The following CDH18 variants were observed in gnomAD, a reference collection of about 807,000 sequenced individuals.
CDH18 encodes cadherin 18, also known as cadherin-18.
In CDH18, 31 loss-of-function variants were observed where a neutral mutation model predicts 67.9. The ratio of observed to expected loss-of-function variants is 0.46; its 90% CI spans 0.34 to 0.62. CDH18 has a LOEUF of 0.62. Ranked by LOEUF, CDH18 falls within the 20% of genes least tolerant of loss-of-function variation. The pLI is 0.01. For synonymous variants in CDH18, 362 were observed against 347.2 expected (o/e 1.04, Z -0.48); for missense variants, 890 against 975.5 (o/e 0.91, Z 1.17).
chr5:19,549,312 A>C lies in CDH18; in HGVS notation c.1254-5307T>G, dbSNP rs561870924. Among the ~76,000 whole-genome samples the C allele has an allele frequency of 1.4e-4, 21 of 152,150 alleles. No individual in the cohort carries two copies. The East Asian group carries it at 3.5e-3, about 25-fold the overall frequency. On this transcript the variant is annotated intron_variant, in intron 8 of 12. Coordinates refer to ENST00000382275, the MANE Select transcript of CDH18 (RefSeq NM_004934.5). ...TCTTCTCACTCCTGTTCCCACTCTCACCATGTGACATGCTGGCTCCCCTTC... is the reference window on the plus strand; with the variant it reads ...TCTTCTCACTCCTGTTCCCACTCTCCCCATGTGACATGCTGGCTCCCCTTC...
chr5:19,479,836 T>C (rs1579686010), intron 12 of CDH18, among the ~76,000 whole-genome samples: 1 of 152,048 alleles, frequency 6.6e-6, no homozygotes, highest in African/African-American at 2.4e-5. Context: ...CTAATAAAAA[T>C]GAAAAAGTAA....
At chr5:20,287,602 C>T (rs1253612971) in intron 1 of CDH18, among the ~76,000 whole-genome samples, 1 of 151,702 alleles carries the variant, frequency 6.6e-6, no homozygotes, top group Non-Finnish European at 1.5e-5. Context: ...ATGTTTGATA[C>T]TAGAATTTTC....
chr5:20,366,942 AT>A (rs1742568932), intron 1 of CDH18, among the ~76,000 whole-genome samples: 1 of 152,126 alleles, frequency 6.6e-6, no homozygotes, highest in Non-Finnish European at 1.5e-5. Context: ...CTCAGCTGTC[AT>A]AGGTAATAGA....
At chr5:19,764,894 C>T (rs1207765411) in intron 3 of CDH18, among the ~76,000 whole-genome samples, 1 of 152,074 alleles carries the variant, frequency 6.6e-6, no homozygotes, top group Non-Finnish European at 1.5e-5. Flanking sequence ...TTTGACTTTC[C>T]TTGTGCTCAT....
At chr5:19,886,471 C>T (rs980787843) in intron 2 of CDH18, among the ~76,000 whole-genome samples, 3 of 152,150 alleles carry the variant, frequency 2.0e-5, no homozygotes, top group Non-Finnish European at 2.9e-5. Flanking sequence ...AGAAGCAACC[C>T]TAAATTCTGA....
At chr5:20,096,480 T>C (rs1320815235) in intron 2 of CDH18, among the ~76,000 whole-genome samples, 1 of 152,066 alleles carries the variant, frequency 6.6e-6, no homozygotes, top group Non-Finnish European at 1.5e-5. Flanking sequence ...AAAGTGTAAA[T>C]ATGTGTGAAA....
chr5:19,984,934 C>G (rs1799409871), intron 1 of CDH18, among the ~76,000 whole-genome samples: 1 of 152,080 alleles, frequency 6.6e-6, no homozygotes, highest in East Asian at 1.9e-4. Context: ...TATAGAATAA[C>G]CAGAGTGAAT....
rs904022884 is a variant in CDH18 at position 20,218,177 on chromosome 5, T to C, written c.-518+37267A>G. Among the ~76,000 whole-genome samples the C allele has an allele frequency of 5.3e-5, 8 of 151,872 alleles. 1 individual carries two copies. The highest frequency in any genetic ancestry group is 3.9e-4 in the Admixed American group (6 of 15,190). ...CTACAGGCCCAACAGACCTAATAAA[T>C]ATTTACAGAACATTTCATCCAACAG... On this transcript the variant is annotated intron_variant, in intron 2 of 14. Transcript: ENST00000507958.
At chr5:19,820,645 C>A (rs1325622796) in intron 3 of CDH18, among the ~76,000 whole-genome samples, 2 of 152,204 alleles carry the variant, frequency 1.3e-5, no homozygotes, top group African/African-American at 4.8e-5. Context: ...TGCCAGGGAC[C>A]TGTTTGAGCC....
At position 19,473,212 on chromosome 5, in the gene CDH18, C is replaced by A; in HGVS notation, c.*14G>T. On this transcript the variant is annotated 3_prime_UTR_variant, in exon 13 of 13. Transcript: ENST00000382275. ...TCAGGAAGCAAATTCCACAAGGTTG[C>A]AAGAACTGACCCCCTAAGTTGTTCT... 1 of 1,608,674 alleles carries A rather than the reference C, an allele frequency of 6.2e-7. No homozygotes were observed. Among genetic ancestry groups the A allele is most frequent in the Non-Finnish European group, 8.5e-7 (1 of 1,176,510 alleles).
chr5:20,427,581 G>T (rs552522336), intron 1 of CDH18, among the ~76,000 whole-genome samples: 1 of 151,216 alleles, frequency 6.6e-6, no homozygotes, highest in African/African-American at 2.5e-5. Context: ...TATACTTGGT[G>T]AATTTTTTGA....
intron 2 of CDH18, among the ~76,000 whole-genome samples, chr5:19,896,092 C>G (rs754246324): frequency 5.9e-5 from 9 of 152,092 alleles, no homozygotes; most frequent in Non-Finnish European, 1.3e-4. Flanking sequence ...CGCAGTGGCT[C>G]ACACCTGTAA....
intron 8 of CDH18, among the ~76,000 whole-genome samples, chr5:19,564,792 G>A (rs939687004): frequency 6.6e-6 from 1 of 152,138 alleles, no homozygotes; most frequent in Non-Finnish European, 1.5e-5. Flanking sequence ...GCTCAGAGGA[G>A]AGAAGTTCTA....
At chr5:20,240,089 C>T (rs1401544231) in intron 2 of CDH18, among the ~76,000 whole-genome samples, 1 of 151,558 alleles carries the variant, frequency 6.6e-6, no homozygotes, top group East Asian at 1.9e-4. Context: ...GTGCAGCAAA[C>T]CAACACGGCA....
In CDH18 at chr5:20,255,506, C is replaced by T. The variant is rs1361116116; in HGVS notation, c.-579-1G>A. 6.6e-6 allele frequency: 1 copy of T among 151,898 alleles called. No homozygotes were observed. Among genetic ancestry groups the T allele is most frequent in the Non-Finnish European group, 1.5e-5 (1 of 67,962 alleles). 9.4% of individuals were successfully genotyped at this position (151,898 alleles called of 1,614,324 possible). A position where few individuals can be genotyped will look rare whatever the true frequency, so the allele number is the denominator to read the frequency against. On this transcript the variant is annotated splice_acceptor_variant, in intron 1 of 14. Coordinates refer to the CDH18 transcript ENST00000507958. LOFTEE classifies it low-confidence loss of function (5UTR_SPLICE). ...TCTTACATATTGCTGTGGTTGAGTC[C>T]TGCATAAAAATAAAACAAAAATATA...
chr5:20,386,231 T>C (rs934173775), intron 1 of CDH18, among the ~76,000 whole-genome samples: 9 of 152,192 alleles, frequency 5.9e-5, no homozygotes, highest in Non-Finnish European at 1.0e-4. Context: ...GAGAATATTC[T>C]TTTAATTCTT....
chr5:20,285,634 T>G (rs994029785), intron 1 of CDH18, among the ~76,000 whole-genome samples: 2 of 151,474 alleles, frequency 1.3e-5, no homozygotes, highest in African/African-American at 4.8e-5. Flanking sequence ...TGATGAATAC[T>G]CAATTTGCCC....
intron 1 of CDH18, among the ~76,000 whole-genome samples, chr5:20,496,849 G>A (rs1753937502): frequency 6.6e-6 from 1 of 151,762 alleles, no homozygotes; most frequent in Admixed American, 6.6e-5. Flanking sequence ...GGGGATAAAG[G>A]CATTAAACAT....
chr5:20,336,895 G>T (rs192328023), intron 1 of CDH18, among the ~76,000 whole-genome samples: 1 of 152,240 alleles, frequency 6.6e-6, no homozygotes, highest in Non-Finnish European at 1.5e-5. Context: ...TGTGGTTTCA[G>T]ATTCCCCATG....
Sources: gnomAD v4.1 joint callset for allele counts (sites outside exome capture counted in the v4.1 genomes callset) on GRCh38, gnomAD v4.1.1 for gene constraint, MANE v1.5 for transcripts, NCBI Gene and HGNC (gene_info 2026-07-23, HGNC 2026-07-21) for gene names.